Variants in FSTL4 observed in about 807,000 individuals in gnomAD.
The protein encoded by FSTL4 is follistatin-related protein 4.
A neutral mutation model predicts 78.2 loss-of-function variants in FSTL4; 28 were observed. That is an observed-to-expected ratio of 0.36 (90% CI 0.27 to 0.49). The LOEUF (loss-of-function observed/expected upper bound fraction) is 0.49. Ranked by LOEUF, FSTL4 falls within the 20% of genes least tolerant of loss-of-function variation. The pLI is 0.98. For synonymous variants in FSTL4, 422 were observed against 440.5 expected, an observed-to-expected ratio of 0.96 and a Z score of 0.53; for missense variants, 922 against 1,084.9, an observed-to-expected ratio of 0.85 and a Z score of 2.11.
chr5:133,613,283 C>G (rs188652028), upstream of FSTL4, among the ~76,000 whole-genome samples: 3 of 152,316 alleles, frequency 2.0e-5, no homozygotes, highest in Admixed American at 2.0e-4. Flanking sequence ...AATGGTCATA[C>G]GTAGCCTCAG....
the FSTL4 span, among the ~76,000 whole-genome samples, chr5:133,755,141 C>G: frequency 1.3e-5 from 2 of 152,132 alleles, no homozygotes; most frequent in Non-Finnish European, 2.9e-5. Flanking sequence ...ATTTCCTTCT[C>G]TACCCATCAC....
the FSTL4 span, among the ~76,000 whole-genome samples, chr5:133,677,990 A>T: frequency 3.9e-5 from 6 of 152,212 alleles, no homozygotes; most frequent in Non-Finnish European, 2.9e-5. Flanking sequence ...AAATACATGT[A>T]TGTTGTGGAA....
At chr5:133,452,680 C>T (rs1224264826) in intron 3 of FSTL4, among the ~76,000 whole-genome samples, 3 of 152,230 alleles carry the variant, frequency 2.0e-5, no homozygotes, top group African/African-American at 4.8e-5. Context: ...AGTCCAAGAT[C>T]GCTCAGGTTG....
chr5:133,392,891 T>C (rs1755885245), intron 4 of FSTL4, among the ~76,000 whole-genome samples: 1 of 152,234 alleles, frequency 6.6e-6, no homozygotes, highest in African/African-American at 2.4e-5. Context: ...CTTAGCAATT[T>C]TTAATTACTG....
the FSTL4 span, among the ~76,000 whole-genome samples, chr5:133,645,422 G>A: frequency 3.9e-5 from 6 of 152,254 alleles, no homozygotes; most frequent in African/African-American, 1.4e-4. Flanking sequence ...CCAAGGTCAG[G>A]CATTTCTAAT....
rs1489780831 is a variant in FSTL4 at position 133,233,430 on chromosome 5, G to T, written c.1002C>A (p.Val334=). ...SGHEQLFQTH[V]LQVNVPPVIR... ...CCATTTACTAACCATTCACCTGCAG[G>T]ACGTGGGTCTGGAACAGCTGCTCGT... The change falls in exon 8 of 16, where the codon GTC becomes GTA. Residue 334 remains valine (V), a synonymous_variant. Transcript: ENST00000265342. 2 of 1,614,210 alleles carry T rather than the reference G, an allele frequency of 1.2e-6. No homozygotes were observed. The highest frequency in any genetic ancestry group is 1.1e-5 in the South Asian group (1 of 91,082).
the FSTL4 span, among the ~76,000 whole-genome samples, chr5:133,621,482 T>C: frequency 6.6e-6 from 1 of 152,182 alleles, no homozygotes. Context: ...ACTGTTATTC[T>C]AAGTGAAGTA....
At chr5:133,379,143 T>C (rs905956938) in intron 4 of FSTL4, among the ~76,000 whole-genome samples, 5 of 152,014 alleles carry the variant, frequency 3.3e-5, no homozygotes, top group African/African-American at 9.7e-5. Context: ...TATAAAACAA[T>C]GCTACTGGAG....
At chr5:133,228,591 A>G (rs760266531) in intron 8 of FSTL4, among the ~76,000 whole-genome samples, 2 of 152,242 alleles carry the variant, frequency 1.3e-5, no homozygotes, top group South Asian at 4.1e-4. Context: ...ATATGTTTCA[A>G]TGGCTAACTA....
chr5:133,646,341 A>T, the FSTL4 span, among the ~76,000 whole-genome samples: 11 of 152,284 alleles, frequency 7.2e-5, no homozygotes, highest in Admixed American at 3.3e-4. Flanking sequence ...CATGTTCAAG[A>T]AACTCAAAGA....
At chr5:133,296,466 G>A (rs528954491) in intron 6 of FSTL4, among the ~76,000 whole-genome samples, 129 of 152,292 alleles carry the variant, frequency 8.5e-4, no homozygotes, top group African/African-American at 3.0e-3. Flanking sequence ...AAACAAAAGT[G>A]CTTAGGTTAG....
At chr5:133,613,220 G>A (rs1226721023), upstream of FSTL4, among the ~76,000 whole-genome samples, 4 of 152,196 alleles carry the variant, frequency 2.6e-5, no homozygotes, top group Non-Finnish European at 5.9e-5. Flanking sequence ...TTTGAGATCA[G>A]TCTTCCTTCC....
In FSTL4 at chr5:133,277,430, A is replaced by G. The variant is rs578076918; in HGVS notation, c.728-27854T>C. Among the ~76,000 whole-genome samples, 5 of 152,292 alleles carry G rather than the reference A, an allele frequency of 3.3e-5. No individual in the cohort carries two copies. In the South Asian group the frequency reaches 8.3e-4, roughly 25 times the overall value. ...AGGTGCTGGCGGCACTGTATTTCTT[A>G]TGGGGACAGTGGTTGCACAGCATGC... On this transcript the variant is annotated intron_variant, in intron 6 of 15. Transcript: ENST00000265342.
chr5:133,720,473 G>A, the FSTL4 span: 1 of 153,216 alleles, frequency 6.5e-6, no homozygotes, highest in African/African-American at 2.4e-5. Context: ...CACAGGACAA[G>A]GATTCCAAGT....
chr5:133,729,967 C>A, the FSTL4 span, among the ~76,000 whole-genome samples: 1 of 152,166 alleles, frequency 6.6e-6, no homozygotes, highest in Non-Finnish European at 1.5e-5. Context: ...ACCAAACAAC[C>A]TTCAGACAAT....
rs919476286 is a variant in FSTL4, at chr5:133,300,153, G to A, written c.727+12501C>T. 1.3e-5 allele frequency among the ~76,000 whole-genome samples: 2 copies of A among 152,274 alleles called. 1 individual carries two copies. The highest frequency in any genetic ancestry group is 4.2e-4 in the South Asian group (2 of 4,814). ...GCCTCAAGGGTGTTGGTGGAGGCCC[G>A]GGATGCAGGATGGCCGGATCCAGCT... On this transcript the variant is annotated intron_variant, in intron 6 of 15. Coordinates refer to ENST00000265342, the MANE Select transcript of FSTL4 (RefSeq NM_015082.2).
chr5:133,659,166 A>G, the FSTL4 span, among the ~76,000 whole-genome samples: 4 of 152,130 alleles, frequency 2.6e-5, no homozygotes, highest in Non-Finnish European at 5.9e-5. Flanking sequence ...TTATTTTTGT[A>G]TGCTTCAAGT....
At chr5:133,526,231 C>T (rs1759097367) in intron 3 of FSTL4, among the ~76,000 whole-genome samples, 2 of 152,166 alleles carry the variant, frequency 1.3e-5, no homozygotes, top group Non-Finnish European at 2.9e-5. Flanking sequence ...TTTTTATTCT[C>T]TTCACTATAC....
the FSTL4 span, among the ~76,000 whole-genome samples, chr5:133,727,441 T>G: frequency 1.3e-3 from 191 of 152,316 alleles, no homozygotes; most frequent in Non-Finnish European, 2.1e-3. Context: ...GAGAAAATCA[T>G]CAACATTCCA....
Sources: allele counts gnomAD v4.1 joint callset (sites outside exome capture counted in the v4.1 genomes callset), GRCh38; gene constraint gnomAD v4.1.1; transcripts MANE v1.5; gene names NCBI Gene and HGNC (gene_info 2026-07-23, HGNC 2026-07-21).